The following ZBBX variants were observed in gnomAD, a reference collection of about 807,000 sequenced individuals.
The protein encoded by ZBBX is zinc finger B-box domain containing.
ZBBX carries 101 observed loss-of-function variants against 108.5 expected under a neutral mutation model. That is an observed-to-expected ratio of 0.93 (90% CI 0.79 to 1.10). ZBBX has a LOEUF of 1.10. Ranked by LOEUF, ZBBX falls within the 50% of genes least tolerant of loss-of-function variation. The pLI is 0.00. For missense variants in ZBBX, 1,009 were observed against 941.4 expected, an observed-to-expected ratio of 1.07 and a Z score of -0.94; for synonymous variants, 356 against 323.4, an observed-to-expected ratio of 1.10 and a Z score of -1.08.
rs187758448 is a variant in ZBBX at position 167,358,796 on chromosome 3, C to T, written c.432+1074G>A. The stretch of plus-strand genomic sequence containing the variant: ...CTAAAAATACAAAAAATTAGCTGGG[C>T]GTGGTGACGCGTGCCTATAATCCCA... On this transcript the variant is annotated intron_variant, in intron 8 of 21. Coordinates refer to ENST00000675490, the MANE Select transcript of ZBBX (RefSeq NM_001199201.2). Among the ~76,000 whole-genome samples, 576 of 151,658 alleles carry T rather than the reference C, an allele frequency of 3.8e-3. 1 individual carries two copies. The highest frequency in any genetic ancestry group is 0.013 in the African/African-American group (537 of 41,384).
At chr3:167,387,537 G>C (rs1347649146) in intron 1 of ZBBX, among the ~76,000 whole-genome samples, 2 of 151,884 alleles carry the variant, frequency 1.3e-5, no homozygotes, top group Non-Finnish European at 2.9e-5. Context: ...ATAGAAAAAA[G>C]AAAGCATATA....
At chr3:167,179,928 G>C in the ZBBX span, among the ~76,000 whole-genome samples, 1 of 152,198 alleles carries the variant, frequency 6.6e-6, no homozygotes, top group Non-Finnish European at 1.5e-5. Flanking sequence ...TATTTATAAA[G>C]GCTTGCGGTA....
At chr3:167,319,556 C>T (rs1267809823) in intron 12 of ZBBX, among the ~76,000 whole-genome samples, 5 of 151,906 alleles carry the variant, frequency 3.3e-5, no homozygotes, top group African/African-American at 9.7e-5. Context: ...TCATACCAAC[C>T]TTAAAGGAGG....
chr3:167,230,271 T>G, the ZBBX span, among the ~76,000 whole-genome samples: 1 of 151,762 alleles, frequency 6.6e-6, no homozygotes, highest in Admixed American at 6.6e-5. Flanking sequence ...CTCTAAATCT[T>G]TGCAAAGAAA....
chr3:167,272,049 G>A (rs1194305102), intron 20 of ZBBX, among the ~76,000 whole-genome samples: 4 of 152,120 alleles, frequency 2.6e-5, no homozygotes, highest in African/African-American at 9.7e-5. Context: ...ATCTTCATCA[G>A]GGAGAGTAGA....
chr3:167,237,873 A>G (rs1286844725), downstream of ZBBX, among the ~76,000 whole-genome samples: 2 of 151,986 alleles, frequency 1.3e-5, no homozygotes, highest in Admixed American at 1.3e-4. Context: ...AGCATCATAT[A>G]AAATGATCTT....
At chr3:167,308,057 C>A (rs1056512405) in intron 16 of ZBBX, among the ~76,000 whole-genome samples, 3 of 152,082 alleles carry the variant, frequency 2.0e-5, no homozygotes, top group Non-Finnish European at 4.4e-5. Context: ...CTTTTGCAAA[C>A]CATGAATTCA....
At chr3:167,395,636 T>C (rs1748211411) in intron 1 of ZBBX, among the ~76,000 whole-genome samples, 1 of 152,032 alleles carries the variant, frequency 6.6e-6, no homozygotes, top group Admixed American at 6.6e-5. Context: ...CTGTGAAGTT[T>C]GGAAAATCAC....
At chr3:167,312,895 A>G (rs1734830559) in intron 16 of ZBBX, among the ~76,000 whole-genome samples, 1 of 152,202 alleles carries the variant, frequency 6.6e-6, no homozygotes, top group African/African-American at 2.4e-5. Context: ...CAGTTTTACA[A>G]CTATTTATTT....
intron 6 of ZBBX, among the ~76,000 whole-genome samples, chr3:167,362,197 TAGATAG>T (rs1560183939): frequency 6.6e-6 from 1 of 152,130 alleles, no homozygotes; most frequent in Non-Finnish European, 1.5e-5. Context: ...TATATACATA[TAGATAG>T]AAAGATGGAT....
At chr3:167,261,037 C>G (rs532599065) in intron 20 of ZBBX, among the ~76,000 whole-genome samples, 17 of 152,206 alleles carry the variant, frequency 1.1e-4, no homozygotes, top group South Asian at 2.1e-4. Flanking sequence ...TGATGTAGTA[C>G]TCTCCCCCTA....
At chr3:167,208,646 A>G in the ZBBX span, among the ~76,000 whole-genome samples, 2 of 152,188 alleles carry the variant, frequency 1.3e-5, no homozygotes, top group African/African-American at 4.8e-5. Context: ...TGGGCTCTCA[A>G]TGATCAGCAG....
intron 20 of ZBBX, among the ~76,000 whole-genome samples, chr3:167,267,127 A>G (rs10936525): frequency 0.98 from 149,485 of 152,334 alleles, 73,351 homozygotes; most frequent in East Asian, 1. Flanking sequence ...ACTGCTGTGC[A>G]GAGTAAGTCC....
At chr3:167,355,368 A>G (rs1325632462) in intron 8 of ZBBX, among the ~76,000 whole-genome samples, 1 of 151,970 alleles carries the variant, frequency 6.6e-6, no homozygotes, top group Non-Finnish European at 1.5e-5. Flanking sequence ...TGTTATCCGT[A>G]GTAACCTATT....
intron 19 of ZBBX, among the ~76,000 whole-genome samples, chr3:167,284,000 T>C (rs994698562): frequency 2.0e-5 from 3 of 152,088 alleles, no homozygotes; most frequent in African/African-American, 7.2e-5. Flanking sequence ...ATTTAAGCAA[T>C]TAAAATTGGC....
At chr3:167,229,438 A>G in the ZBBX span, among the ~76,000 whole-genome samples, 3 of 151,854 alleles carry the variant, frequency 2.0e-5, no homozygotes, top group Non-Finnish European at 4.4e-5. Context: ...TATTTTATTC[A>G]TTTATGCCCC....
chr3:167,179,156 T>A, the ZBBX span, among the ~76,000 whole-genome samples: 1 of 151,738 alleles, frequency 6.6e-6, no homozygotes, highest in Non-Finnish European at 1.5e-5. Flanking sequence ...AGAAAAGGTG[T>A]CCACACATAC....
intron 20 of ZBBX, among the ~76,000 whole-genome samples, chr3:167,261,992 G>C (rs186395385): frequency 1.8e-4 from 28 of 152,198 alleles, no homozygotes; most frequent in African/African-American, 6.7e-4. Context: ...GGAATGGCCT[G>C]GTAGGTGACC....
intron 20 of ZBBX, among the ~76,000 whole-genome samples, chr3:167,245,426 T>C (rs1721405497): frequency 6.6e-6 from 1 of 152,184 alleles, no homozygotes; most frequent in Admixed American, 6.5e-5. Context: ...CTCTGCACTA[T>C]GTCTTGTTTA....
Sources: allele counts gnomAD v4.1 joint callset (sites outside exome capture counted in the v4.1 genomes callset), GRCh38; gene constraint gnomAD v4.1.1; transcripts MANE v1.5; gene names NCBI Gene and HGNC (gene_info 2026-07-23, HGNC 2026-07-21).